Variants in RAD54B observed in about 807,000 individuals in gnomAD.
The protein encoded by RAD54B is RAD54 homolog B.
A neutral mutation model predicts 95.8 loss-of-function variants in RAD54B; 78 were observed. The ratio of observed to expected loss-of-function variants is 0.81; its 90% CI spans 0.68 to 0.98. The LOEUF (loss-of-function observed/expected upper bound fraction) is 0.98. Among genes scored for constraint, RAD54B ranks in the 50% least tolerant of loss-of-function variants. The pLI is 0.00. For synonymous variants in RAD54B, 328 were observed against 354.9 expected, an observed-to-expected ratio of 0.92 and a Z score of 0.85; for missense variants, 957 against 1,056.6, an observed-to-expected ratio of 0.91 and a Z score of 1.31.
chr8:94,387,242 A>G, intron 10 of RAD54B, 83 bp from the exon 11 acceptor site: 2 of 1,161,976 alleles, frequency 1.7e-6, no homozygotes, highest in Non-Finnish European at 2.4e-6. Flanking sequence ...ATGGAAGGAA[A>G]AAGGTGAAGA....
In RAD54B at chr8:94,470,798, A is replaced by T. The variant is rs59118010; in HGVS notation, c.-16-3243T>A. On this transcript the variant is annotated intron_variant, in intron 1 of 14. Coordinates refer to ENST00000336148, the MANE Select transcript of RAD54B (RefSeq NM_012415.3). ...AAAAAAAAAGAATAATGATGCTAGTATCAATTACAGTAGGGGGAAAAAGGG... is the reference window on the plus strand; with the variant it reads ...AAAAAAAAAGAATAATGATGCTAGTTTCAATTACAGTAGGGGGAAAAAGGG... Among the ~76,000 whole-genome samples, 880 of 152,150 alleles carry T rather than the reference A, an allele frequency of 5.8e-3. 12 individuals carry two copies. The highest frequency in any genetic ancestry group is 0.02 in the African/African-American group (823 of 41,500).
rs556289338 is a variant in RAD54B, at chr8:94,457,693, C to A, written c.304+575G>T. On this transcript the variant is annotated intron_variant, in intron 3 of 14. Transcript: ENST00000336148. ...AAATACAGTCTAATGATGGCTTTCA[C>A]AAGACCAAATAAACATCTATGAACC... is the stretch of plus-strand genomic sequence containing the variant. Among the ~76,000 whole-genome samples the A allele has an allele frequency of 3.0e-4, 46 of 152,308 alleles. 1 individual carries two copies. The highest frequency in any genetic ancestry group is 5.9e-4 in the Admixed American group (9 of 15,296).
At chr8:94,422,620 A>ATATG (rs1811845361) in intron 3 of RAD54B, among the ~76,000 whole-genome samples, 1 of 42,338 alleles carries the variant, frequency 2.4e-5, no homozygotes, top group Non-Finnish European at 4.0e-5. Flanking sequence ...AAAAAAAAAT[A>ATATG]TATATATATA....
intron 10 of RAD54B, 79 bp from the exon 11 acceptor site, chr8:94,387,238 G>A: frequency 1.7e-6 from 2 of 1,195,352 alleles, no homozygotes; most frequent in Non-Finnish European, 2.3e-6. Context: ...AATTATGGAA[G>A]GAAAAAGGTG....
rs187621721 is a variant in RAD54B at position 94,434,772 on chromosome 8, C to T, written c.305-23457G>A. 5.9e-5 allele frequency among the ~76,000 whole-genome samples: 9 copies of T among 151,532 alleles called. No homozygotes were observed. In the East Asian group the frequency reaches 1.5e-3, roughly 26 times the overall value. ...CACAGTAACATAAGAATTTAAAAGG[C>T]ATGTTTCTTATATTCTTCCCTTTAA... On this transcript the variant is annotated intron_variant, in intron 3 of 14. Transcript: ENST00000336148.
At chr8:94,448,769 TGGG>T in intron 3 of RAD54B, among the ~76,000 whole-genome samples, 1 of 148,478 alleles carries the variant, frequency 6.7e-6, no homozygotes. Context: ...GGTGGGTTGG[TGGG>T]GGAGGAGGGA....
At chr8:94,421,862 G>GC (rs1490636839) in intron 3 of RAD54B, among the ~76,000 whole-genome samples, 1 of 152,134 alleles carries the variant, frequency 6.6e-6, no homozygotes, top group Non-Finnish European at 1.5e-5. Context: ...AGCGTCTTTT[G>GC]CCACCTCTAT....
At position 94,431,007 on chromosome 8, in the gene RAD54B, T is replaced by TC. The variant is rs1434111960; in HGVS notation, c.305-19693dup. Reference sequence around the variant, plus strand: ...CACTCTTGACTTCAAACACCCATGGTCCCCTTCACTGCTGAAATTACACCC... The same window carrying TC: ...CACTCTTGACTTCAAACACCCATGGTCCCCCTTCACTGCTGAAATTACACCC... On this transcript the variant is annotated intron_variant, in intron 3 of 14. Transcript: ENST00000336148. The TC allele has an allele frequency of 5.1e-6, 5 of 985,202 alleles. No homozygotes were observed. In the African/African-American group the frequency reaches 8.7e-5, roughly 17 times the overall value. 61.0% of individuals were successfully genotyped at this position (985,202 alleles called of 1,614,324 possible).
At chr8:94,425,602 C>G (rs960458664) in intron 3 of RAD54B, among the ~76,000 whole-genome samples, 1 of 151,840 alleles carries the variant, frequency 6.6e-6, no homozygotes, top group Non-Finnish European at 1.5e-5. Context: ...TATACAAATC[C>G]CTTCAAACTG....
At chr8:94,467,675 G>GC (rs1458802809) in intron 1 of RAD54B, 120 bp from the exon 2 acceptor site, 5 of 973,012 alleles carry the variant, frequency 5.1e-6, no homozygotes, top group South Asian at 2.2e-5. Flanking sequence ...GGCCTGCCTG[G>GC]CCCCCCAAGC....
intron 1 of RAD54B, 111 bp from the exon 2 acceptor site, chr8:94,467,666 G>A (rs766515567): frequency 4.0e-5 from 43 of 1,062,672 alleles, no homozygotes; most frequent in Non-Finnish European, 5.5e-5. Flanking sequence ...CCTCTTATGG[G>A]CCTGCCTGGC....
chr8:94,413,740 T>TA (rs1811583210), intron 3 of RAD54B, among the ~76,000 whole-genome samples: 2 of 151,476 alleles, frequency 1.3e-5, no homozygotes, highest in East Asian at 3.9e-4. Flanking sequence ...AAGATGCCAT[T>TA]AAAAAAACAA....
chr8:94,420,858 G>A (rs192825244), intron 3 of RAD54B, among the ~76,000 whole-genome samples: 17 of 151,656 alleles, frequency 1.1e-4, no homozygotes, highest in Admixed American at 7.2e-4. Flanking sequence ...GGTGGTGGGC[G>A]TCTGTAATCC....
chr8:94,429,507 A>G (rs1812031738), intron 3 of RAD54B: 2 of 984,566 alleles, frequency 2.0e-6, no homozygotes, highest in Middle Eastern at 1.0e-3. Context: ...TTGAACATTC[A>G]TTATCAATTC....
chr8:94,453,423 A>C (rs975385355), intron 3 of RAD54B, among the ~76,000 whole-genome samples: 2 of 152,008 alleles, frequency 1.3e-5, no homozygotes, highest in Non-Finnish European at 2.9e-5. Context: ...CCAGCTACTC[A>C]GGAGGCTGAG....
intron 2 of RAD54B, among the ~76,000 whole-genome samples, 157 bp downstream of exon 2, chr8:94,467,248 A>G (rs890923846): frequency 6.6e-6 from 1 of 152,154 alleles, no homozygotes; most frequent in Non-Finnish European, 1.5e-5. Flanking sequence ...TTTAAAAAAA[A>G]ATTATGTAAT....
intron 3 of RAD54B, chr8:94,427,628 T>C (rs1031362632): frequency 1.0e-5 from 7 of 688,272 alleles, no homozygotes; most frequent in Non-Finnish European, 1.3e-5. Context: ...TAAATAAATG[T>C]ATTTCAATTA....
intron 6 of RAD54B, among the ~76,000 whole-genome samples, chr8:94,402,340 G>A (rs535964949): frequency 6.7e-6 from 1 of 150,230 alleles, no homozygotes; most frequent in East Asian, 2.0e-4. Flanking sequence ...TGCAACCTCC[G>A]CCTCCTGGAT....
intron 3 of RAD54B, among the ~76,000 whole-genome samples, chr8:94,416,744 C>G (rs72674810): frequency 4.6e-5 from 7 of 152,072 alleles, no homozygotes; most frequent in African/African-American, 1.4e-4. Flanking sequence ...AAGTGTGATG[C>G]GTATGTGGAG....
Sources: allele counts gnomAD v4.1 joint callset (sites outside exome capture counted in the v4.1 genomes callset), GRCh38; gene constraint gnomAD v4.1.1; transcripts MANE v1.5; gene names NCBI Gene and HGNC (gene_info 2026-07-23, HGNC 2026-07-21).